CEP72: variants seen among roughly 807,000 people sequenced by gnomAD.
CEP72 encodes the protein centrosomal protein of 72 kDa.
Under a neutral mutation model 65.7 loss-of-function variants are expected in CEP72, and 78 were observed. That is an observed-to-expected ratio of 1.19 (90% confidence interval 0.99 to 1.43). The LOEUF is 1.43. CEP72 is among the 40% of genes most tolerant of loss of function. The pLI, the probability that CEP72 is intolerant of heterozygous loss-of-function variation, is 0.00. For missense variants in CEP72, 914 were observed against 832.9 expected (o/e 1.10, Z -1.20); for synonymous variants, 358 against 351.7 (o/e 1.02, Z -0.20).
Position 645,932 on chromosome 5 carries a change from CTG to C in CEP72, c.1666+1512_1666+1513del, listed in dbSNP as rs1680626766. On this transcript the variant is annotated intron_variant, in intron 10 of 11. Transcript: ENST00000264935. The surrounding 1 kb of genome is among the most constrained non-coding windows in gnomAD (Gnocchi z 4.0). ...GGACGGTGAATTCGGCTTCGTTACA[CTG>C]TGTGAGCGTCACTCCTGCTCCCGTT... Among the ~76,000 whole-genome samples, 1 of 151,932 alleles carries C rather than the reference CTG, an allele frequency of 6.6e-6. No individual in the cohort carries two copies.
rs778375264 is a variant in CEP72 at position 665,072 on chromosome 5, C to CA, written n.288-108_288-107insA. The CA allele has an allele frequency of 1.4e-5, 23 of 1,596,688 alleles. No individual in the cohort carries two copies. The Admixed American group carries it at 3.9e-4, about 27-fold the overall frequency. On this transcript the variant is annotated intron_variant and non_coding_transcript_variant, in intron 2 of 4. Transcript: ENST00000514507. ...TGACAGAGTCCCTGCTCTGGGGACA[C>CA]CGGCAGTGCCGCGAGGCATGGAGCG...
intron 11 of CEP72, among the ~76,000 whole-genome samples, chr5:649,555 TGTGACTGTGAGGC>T (rs1738779975): frequency 1.1e-5 from 1 of 93,246 alleles, no homozygotes; most frequent in Non-Finnish European, 2.1e-5. Flanking sequence ...GACTGTGAGG[TGTGACTGTGAGGC>T]GTGGACTGTG....
intron 3 of CEP72, among the ~76,000 whole-genome samples, chr5:622,915 C>G (rs1012193239): frequency 2.0e-5 from 3 of 152,234 alleles, no homozygotes; most frequent in Non-Finnish European, 2.9e-5. Context: ...GAGCTACAGT[C>G]CTTATTCTAG....
At chr5:617,241 G>A (rs1320078956) in intron 1 of CEP72, among the ~76,000 whole-genome samples, 1 of 152,192 alleles carries the variant, frequency 6.6e-6, no homozygotes, top group Non-Finnish European at 1.5e-5. Context: ...GTTGGCTTCT[G>A]TTCCTTTCAG....
chr5:658,581 TA>T (rs1292938728), downstream of CEP72, among the ~76,000 whole-genome samples: 2 of 151,502 alleles, frequency 1.3e-5, no homozygotes, highest in Non-Finnish European at 2.9e-5. Context: ...AAATATGGGT[TA>T]AAATATTATT....
chr5:653,121 A>G lies in CEP72; in HGVS notation c.1912A>G (p.Ser638Gly), dbSNP rs1739220477. The change falls in exon 12 of 12, where the codon AGC becomes GGC. Residue 638 changes from serine to glycine, a missense_variant. Coordinates refer to ENST00000264935, the MANE Select transcript of CEP72 (RefSeq NM_018140.4). Reference protein sequence around the residue: ...KKTMALFPHSSASHGGCQAC With the variant: ...KKTMALFPHSGASHGGCQAC Reference sequence around the variant, plus strand: ...GACCATGGCCCTGTTTCCACACAGCAGCGCCAGCCATGGAGGCTGCCAGGC... The same window carrying G: ...GACCATGGCCCTGTTTCCACACAGCGGCGCCAGCCATGGAGGCTGCCAGGC... The G allele has an allele frequency of 6.2e-7, 1 of 1,611,724 alleles. No individual in the cohort carries two copies. Among genetic ancestry groups the G allele is most frequent in the Non-Finnish European group, 8.5e-7 (1 of 1,179,608 alleles).
rs542155871 is a variant in CEP72 at position 646,155 on chromosome 5, C to G, written c.1667-1650C>G. ...CGGTCGCTTTGCTTCGTGGCTGTTT[C>G]CAGAACCATCAGTGCGAAGCGAGGA... On this transcript the variant is annotated intron_variant, in intron 10 of 11. Coordinates refer to ENST00000264935, the MANE Select transcript of CEP72 (RefSeq NM_018140.4). 3.3e-5 allele frequency among the ~76,000 whole-genome samples: 5 copies of G among 152,342 alleles called. No individual in the cohort carries two copies. In the South Asian group the frequency reaches 1.0e-3, roughly 32 times the overall value.
the CEP72 span, among the ~76,000 whole-genome samples, chr5:674,638 C>T: frequency 6.6e-6 from 1 of 152,100 alleles, no homozygotes; most frequent in African/African-American, 2.4e-5. Flanking sequence ...ACCAGAGCGG[C>T]CCTGGTCACC....
intron 1 of CEP72, among the ~76,000 whole-genome samples, chr5:613,430 G>A (rs560358709): frequency 6.6e-6 from 1 of 152,242 alleles, no homozygotes; most frequent in East Asian, 1.9e-4. Context: ...GAGTGCAGTG[G>A]CACAATCTCA....
intron 3 of CEP72, 145 bp downstream of exon 3, chr5:620,406 G>T (rs1736313848): frequency 4.3e-6 from 3 of 699,344 alleles, no homozygotes; most frequent in Non-Finnish European, 7.2e-6. Context: ...GGTGGCTTGA[G>T]TTCCTGCAGA....
downstream of CEP72, among the ~76,000 whole-genome samples, chr5:669,258 T>G (rs995024259): frequency 6.9e-6 from 1 of 145,648 alleles, no homozygotes; most frequent in African/African-American, 2.6e-5. Flanking sequence ...TCCAGCAGCA[T>G]CCCCCAGGGG....
chr5:665,072 C>T (rs1739836918), intron 2 of CEP72: 1 of 1,596,688 alleles, frequency 6.3e-7, no homozygotes. Flanking sequence ...TCTGGGGACA[C>T]CGGCAGTGCC....
At chr5:616,980 G>T (rs1296346204) in intron 1 of CEP72, among the ~76,000 whole-genome samples, 1 of 151,860 alleles carries the variant, frequency 6.6e-6, no homozygotes, top group Non-Finnish European at 1.5e-5. Context: ...TTGCAGGAGG[G>T]CTGATGATGT....
downstream of CEP72, among the ~76,000 whole-genome samples, chr5:669,622 C>T (rs564072685): frequency 2.0e-5 from 3 of 152,302 alleles, no homozygotes; most frequent in African/African-American, 7.2e-5. Context: ...TTCTGACGGC[C>T]TCGGAGCCAG....
intron 3 of CEP72, among the ~76,000 whole-genome samples, chr5:665,682 C>T (rs1472982269): frequency 7.9e-6 from 1 of 126,844 alleles, no homozygotes; most frequent in African/African-American, 3.0e-5. Context: ...GGCCATGCCT[C>T]CCAGGACCCA....
At chr5:637,271 C>CGT (rs1485882435) in intron 6 of CEP72, among the ~76,000 whole-genome samples, 1 of 152,212 alleles carries the variant, frequency 6.6e-6, no homozygotes, top group Non-Finnish European at 1.5e-5. Context: ...CCAGAGTTTG[C>CGT]GTGTTAGCAC....
chr5:667,953 G>A (rs1203248757), downstream of CEP72, among the ~76,000 whole-genome samples: 2 of 57,216 alleles, frequency 3.5e-5, no homozygotes, highest in African/African-American at 2.3e-4. Flanking sequence ...TGTGGGCGCC[G>A]TCAGGGAAGT....
At chr5:665,613 C>T (rs1332349890) in intron 3 of CEP72, among the ~76,000 whole-genome samples, 1 of 127,212 alleles carries the variant, frequency 7.9e-6, no homozygotes, top group Non-Finnish European at 1.8e-5. Flanking sequence ...GCTATGCCCC[C>T]CCAATCCATG....
At chr5:675,090 T>G in the CEP72 span, among the ~76,000 whole-genome samples, 1 of 6,288 alleles carries the variant, frequency 1.6e-4, no homozygotes, top group Non-Finnish European at 2.7e-4. Context: ...CATGGGGGGT[T>G]CAGTGTGGTC....
Sources: allele counts gnomAD v4.1 joint callset (sites outside exome capture counted in the v4.1 genomes callset), GRCh38; gene constraint gnomAD v4.1.1; non-coding constraint Gnocchi (gnomAD v3.1); transcripts MANE v1.5; gene names NCBI Gene and HGNC (gene_info 2026-07-23, HGNC 2026-07-21).